The following ANO5 variants were observed in gnomAD, a reference collection of about 807,000 sequenced individuals.
ANO5 encodes the protein anoctamin-5.
A neutral mutation model predicts 121.0 loss-of-function variants in ANO5; 109 were observed. The ratio of observed to expected loss-of-function variants is 0.90; its 90% CI spans 0.77 to 1.06. ANO5 has a LOEUF of 1.06. Ranked by LOEUF, ANO5 falls within the 50% of genes least tolerant of loss-of-function variation. The pLI is 0.00. For synonymous variants in ANO5, 406 were observed against 359.9 expected (o/e 1.13, Z -1.45); for missense variants, 1,064 against 1,078.5 (o/e 0.99, Z 0.19).
At chr11:22,200,401 T>C (rs942734708) in intron 1 of ANO5, among the ~76,000 whole-genome samples, 1 of 152,180 alleles carries the variant, frequency 6.6e-6, no homozygotes, top group Non-Finnish European at 1.5e-5. Context: ...AAAGTACTTT[T>C]TCATGAGGCA....
At chr11:22,268,297 C>G (rs58854291) in intron 17 of ANO5, among the ~76,000 whole-genome samples, 8 of 151,188 alleles carry the variant, frequency 5.3e-5, no homozygotes, top group Admixed American at 6.6e-5. Context: ...TAATACCGAG[C>G]CTTCTTACTC....
rs556748368 is a variant in ANO5 at position 22,250,569 on chromosome 11, C to T, written c.1014-172C>T. ...TGGAAAATCTGTTTTTAAAGCTGGGCTCTGAAAACTCTACTCCTCAAAGCA... is the reference window on the plus strand; with the variant it reads ...TGGAAAATCTGTTTTTAAAGCTGGGTTCTGAAAACTCTACTCCTCAAAGCA... On this transcript the variant is annotated intron_variant, in intron 10 of 21. Coordinates refer to ENST00000324559, the MANE Select transcript of ANO5 (RefSeq NM_213599.3). 7.9e-5 allele frequency among the ~76,000 whole-genome samples: 12 copies of T among 152,282 alleles called. No individual in the cohort carries two copies. In the East Asian group the frequency reaches 2.1e-3, roughly 27 times the overall value.
At chr11:22,205,740 G>T (rs1474754581) in intron 2 of ANO5, among the ~76,000 whole-genome samples, 2 of 152,020 alleles carry the variant, frequency 1.3e-5, no homozygotes, top group African/African-American at 4.8e-5. Flanking sequence ...AAAGGGAGTT[G>T]CGCTGGGACA....
intron 19 of ANO5, among the ~76,000 whole-genome samples, chr11:22,273,949 C>CCA (rs1564952191): frequency 7.9e-5 from 12 of 151,790 alleles, no homozygotes; most frequent in Non-Finnish European, 1.6e-4. Flanking sequence ...TTTTTTAAAG[C>CCA]GTAGCACTAA....
At position 22,254,129 on chromosome 11, in the gene ANO5, TAAAC is replaced by T. The variant is rs532227151; in HGVS notation, c.1181-1234_1181-1231del. ...ATAAGCCAATGTATACATGAGCAAATAAACAAACAAAAAAACAACAGTCAGATGA... is the reference window on the plus strand; with the variant it reads ...ATAAGCCAATGTATACATGAGCAAATAAACAAAAAAACAACAGTCAGATGA... On this transcript the variant is annotated intron_variant, in intron 12 of 21. Coordinates refer to ENST00000324559, the MANE Select transcript of ANO5 (RefSeq NM_213599.3). 7.8e-3 allele frequency among the ~76,000 whole-genome samples: 1,184 copies of T among 151,960 alleles called. 4 individuals are homozygous for T. The highest frequency in any genetic ancestry group is 0.012 in the Non-Finnish European group (815 of 67,910).
rs564370206 is a variant in ANO5 at position 22,239,517 on chromosome 11, G to A, written c.763-52G>A. ...TAGAACAGCAGTGTTTATTTACTTC[G>A]TCTTTGTCTTTTGCTTCGTCTTTTA... On this transcript the variant is annotated intron_variant, in intron 8 of 21. Coordinates refer to ENST00000324559, the MANE Select transcript of ANO5 (RefSeq NM_213599.3). The A allele has an allele frequency of 1.0e-4, 136 of 1,305,018 alleles. No homozygotes were observed. In the Admixed American group the frequency reaches 1.2e-3, roughly 11 times the overall value. 80.8% of individuals were successfully genotyped at this position (1,305,018 alleles called of 1,614,324 possible).
intron 18 of ANO5, among the ~76,000 whole-genome samples, chr11:22,271,730 T>G (rs1242157035): frequency 6.6e-6 from 1 of 152,236 alleles, no homozygotes; most frequent in Non-Finnish European, 1.5e-5. Flanking sequence ...TATTCATTAT[T>G]CTACACATTT....
chr11:22,255,501 G>C lies in ANO5; in HGVS notation c.1311G>C (p.Arg437Ser). ...RPEFEAMCKH[R>S]KLNAVTKEME... The stretch of plus-strand genomic sequence containing the variant: ...AATTTGAAGCTATGTGTAAACACAG[G>C]AAATTGAATGCAGTGACTAAGGTAG... The change falls in exon 13 of 22, where the codon AGG becomes AGC. Residue 437 changes from arginine to serine, a missense_variant. Coordinates refer to ENST00000324559, the MANE Select transcript of ANO5 (RefSeq NM_213599.3). The C allele has an allele frequency of 2.5e-6, 4 of 1,613,422 alleles. No individual in the cohort carries two copies. The highest frequency in any genetic ancestry group is 3.4e-6 in the Non-Finnish European group (4 of 1,179,496).
Position 22,259,395 on chromosome 11 carries a change from G to C in ANO5, c.1408-124G>C, listed in dbSNP as rs944145870. On this transcript the variant is annotated intron_variant, in intron 14 of 21. Transcript: ENST00000324559. Reference sequence around the variant, plus strand: ...AGGGAAAGAGAGACTGACTTAGTTTGCTTTGCACATGAGAACTGCTAAACT... The same window carrying C: ...AGGGAAAGAGAGACTGACTTAGTTTCCTTTGCACATGAGAACTGCTAAACT... 2.0e-5 allele frequency: 20 copies of C among 990,584 alleles called. No individual in the cohort carries two copies. The South Asian group carries it at 2.8e-4, about 14-fold the overall frequency. The allele number at this position is 990,584 out of a possible 1,614,324, so 61.4% of individuals were successfully genotyped here. A position where few individuals can be genotyped will look rare whatever the true frequency, so the allele number is the denominator to read the frequency against.
Position 22,256,970 on chromosome 11 carries a change from C to G in ANO5, c.1333-710C>G, listed in dbSNP as rs1009774037. Among the ~76,000 whole-genome samples, 6 of 152,182 alleles carry G rather than the reference C, an allele frequency of 3.9e-5. No individual in the cohort carries two copies. In the South Asian group the frequency reaches 1.2e-3, roughly 31 times the overall value. On this transcript the variant is annotated intron_variant, in intron 13 of 21. Coordinates refer to ENST00000324559, the MANE Select transcript of ANO5 (RefSeq NM_213599.3). Reference sequence around the variant, plus strand: ...GTGTAGGACTCTTGGACAGCTGACTCTGCCTGTTGAGAGTTCTATTTTTAT... The same window carrying G: ...GTGTAGGACTCTTGGACAGCTGACTGTGCCTGTTGAGAGTTCTATTTTTAT...
At chr11:22,258,952 T>C (rs1449599257) in intron 14 of ANO5, among the ~76,000 whole-genome samples, 1 of 151,770 alleles carries the variant, frequency 6.6e-6, no homozygotes, top group Admixed American at 6.6e-5. Context: ...GCTAACATGG[T>C]GAAACCCCGT....
chr11:22,222,983 A>G (rs1345336168), intron 5 of ANO5, among the ~76,000 whole-genome samples: 1 of 152,000 alleles, frequency 6.6e-6, no homozygotes. Flanking sequence ...AGAAAACTGA[A>G]GCAAGAAGAG....
rs1442185727 is a variant in ANO5 at position 22,279,684 on chromosome 11, C to T, written c.2661C>T (p.Asn887=). The T allele has an allele frequency of 1.9e-6, 3 of 1,612,688 alleles. No individual in the cohort carries two copies. Among genetic ancestry groups the T allele is most frequent in the Middle Eastern group, 1.6e-4 (1 of 6,076 alleles). The part of the protein sequence containing the change: ...HDFELNKLKE[N]LGINSNEFAK... ...TTGAGCTCAACAAATTAAAAGAGAA[C>T]TTGGGAATTAATTCTAATGAATTTG... The change falls in exon 22 of 22, where the codon AAC becomes AAT. Residue 887 remains asparagine, a synonymous_variant. Coordinates refer to ENST00000324559, the MANE Select transcript of ANO5 (RefSeq NM_213599.3).
Position 22,226,067 on chromosome 11 carries a change from T to A in ANO5, c.363+15T>A, listed in dbSNP as rs919753027. 6.3e-7 allele frequency: 1 copy of A among 1,576,218 alleles called. No individual in the cohort carries two copies. The highest frequency in any genetic ancestry group is 1.1e-5 in the South Asian group (1 of 90,198). Reference sequence around the variant, plus strand: ...AAGACAAAAGGGTAAATGTAGTTGATAATTTATACAAGCCTCTTTAATTTA... The same window carrying A: ...AAGACAAAAGGGTAAATGTAGTTGAAAATTTATACAAGCCTCTTTAATTTA... On this transcript the variant is annotated intron_variant, in intron 6 of 21. Coordinates refer to ENST00000324559, the MANE Select transcript of ANO5 (RefSeq NM_213599.3).
At chr11:22,211,344 G>A (rs746991837) in intron 3 of ANO5, 30 bp downstream of exon 3, 1 of 1,603,878 alleles carries the variant, frequency 6.2e-7, no homozygotes, top group Non-Finnish European at 8.5e-7. Context: ...ATCCTTTCTT[G>A]CATGGACACA....
intron 21 of ANO5, among the ~76,000 whole-genome samples, chr11:22,276,930 T>A (rs1854875098): frequency 6.6e-6 from 1 of 151,258 alleles, no homozygotes. Flanking sequence ...TTTTTTTTTA[T>A]TGTTATCAAG....
intron 2 of ANO5, among the ~76,000 whole-genome samples, chr11:22,207,804 T>G (rs1330732340): frequency 2.6e-5 from 4 of 151,994 alleles, no homozygotes. Flanking sequence ...TATCTATGAT[T>G]TATAAAGAAC....
At chr11:22,264,279 C>A (rs534059383) in intron 17 of ANO5, among the ~76,000 whole-genome samples, 2 of 152,086 alleles carry the variant, frequency 1.3e-5, no homozygotes, top group South Asian at 4.2e-4. Context: ...CCCGCCTCAG[C>A]CTCCCAAAGT....
chr11:22,213,548 A>C (rs1852348736), intron 3 of ANO5, among the ~76,000 whole-genome samples: 1 of 151,840 alleles, frequency 6.6e-6, no homozygotes, highest in Non-Finnish European at 1.5e-5. Context: ...ACATGACTTA[A>C]TCACCCTTAA....
Sources: allele counts gnomAD v4.1 joint callset (sites outside exome capture counted in the v4.1 genomes callset), GRCh38; gene constraint gnomAD v4.1.1; transcripts MANE v1.5; gene names NCBI Gene and HGNC (gene_info 2026-07-23, HGNC 2026-07-21).